The following NRXN1 variants were observed in gnomAD, a reference collection of about 807,000 sequenced individuals.
NRXN1 encodes neurexin 1, also known as neurexin-1.
NRXN1 carries 39 observed loss-of-function variants against 150.9 expected under a neutral mutation model. That is an observed-to-expected ratio of 0.26 (90% CI 0.20 to 0.34). The LOEUF (loss-of-function observed/expected upper bound fraction) is 0.34, where lower values mean the gene tolerates loss of function less well. Ranked by LOEUF, NRXN1 falls within the 10% of genes least tolerant of loss-of-function variation. The pLI is 1.00. For synonymous variants in NRXN1, 924 were observed against 757.0 expected (o/e 1.22, Z -3.62); for missense variants, 1,815 against 1,949.9 (o/e 0.93, Z 1.30).
rs200448187 is a variant in NRXN1 at position 50,623,306 on chromosome 2, G to A, written c.1134+8C>T. On this transcript the variant is annotated splice_region_variant and intron_variant, in intron 6 of 22. Transcript: ENST00000401669. ...AGCCAGTTACTCTCTTATCCACTGC[G>A]CTGTTACCTGACGCAGATTCCTGGT... 25 of 1,609,910 alleles carry A rather than the reference G, an allele frequency of 1.6e-5. No homozygotes were observed. The African/African-American group carries it at 1.6e-4, about 10-fold the overall frequency.
chr2:50,381,939 T>G (rs1481627392), intron 17 of NRXN1, among the ~76,000 whole-genome samples: 1 of 152,020 alleles, frequency 6.6e-6, no homozygotes, highest in African/African-American at 2.4e-5. Context: ...TAGTGTAGAA[T>G]CCTATGAATT....
intron 5 of NRXN1, among the ~76,000 whole-genome samples, chr2:50,666,199 T>G (rs190008163): frequency 4.6e-5 from 7 of 151,990 alleles, no homozygotes; most frequent in African/African-American, 1.7e-4. Flanking sequence ...CATAATTATT[T>G]TGAGATTCAT....
At chr2:50,892,524 T>C (rs17571241) in intron 5 of NRXN1, among the ~76,000 whole-genome samples, 17,735 of 152,150 alleles carry the variant, frequency 0.12, 1,135 homozygotes, top group Middle Eastern at 0.2. Flanking sequence ...GCAGTAATAC[T>C]CAGACTTAGA....
chr2:50,843,705 A>C (rs1673207466), intron 5 of NRXN1, among the ~76,000 whole-genome samples: 1 of 152,160 alleles, frequency 6.6e-6, no homozygotes, highest in South Asian at 2.1e-4. Context: ...TCATTGGTAT[A>C]ACAACTATTC....
chr2:50,901,697 A>C (rs1185226480), intron 5 of NRXN1, among the ~76,000 whole-genome samples: 1 of 152,212 alleles, frequency 6.6e-6, no homozygotes, highest in Non-Finnish European at 1.5e-5. Flanking sequence ...ATAGTTCGAT[A>C]TCACGTGACA....
chr2:50,961,146 C>A (rs1693119941), intron 2 of NRXN1, among the ~76,000 whole-genome samples: 1 of 151,952 alleles, frequency 6.6e-6, no homozygotes, highest in South Asian at 2.1e-4. Flanking sequence ...TTATTCCCAT[C>A]CACTATGATA....
At chr2:50,012,104 T>C (rs780576650) in intron 21 of NRXN1, among the ~76,000 whole-genome samples, 5 of 152,112 alleles carry the variant, frequency 3.3e-5, no homozygotes, top group Non-Finnish European at 5.9e-5. Flanking sequence ...CCCATCTTCA[T>C]AAGGTTGGTA....
At chr2:50,106,002 TAGTC>T (rs1701588672) in intron 18 of NRXN1, among the ~76,000 whole-genome samples, 1 of 151,942 alleles carries the variant, frequency 6.6e-6, no homozygotes, top group Non-Finnish European at 1.5e-5. Context: ...TCAACTTTCT[TAGTC>T]AATTTCAGAT....
At chr2:50,211,477 A>T (rs965452696) in intron 18 of NRXN1, among the ~76,000 whole-genome samples, 1 of 151,624 alleles carries the variant, frequency 6.6e-6, no homozygotes, top group Non-Finnish European at 1.5e-5. Flanking sequence ...AATTTGAATT[A>T]TAAACCTTGT....
At chr2:50,967,069 A>G (rs1694224378) in intron 2 of NRXN1, among the ~76,000 whole-genome samples, 1 of 151,968 alleles carries the variant, frequency 6.6e-6, no homozygotes, top group Non-Finnish European at 1.5e-5. Flanking sequence ...TTAAATAATA[A>G]AAGTTGTTTT....
chr2:50,458,770 T>C (rs1032277101), intron 17 of NRXN1, among the ~76,000 whole-genome samples: 3 of 152,040 alleles, frequency 2.0e-5, no homozygotes, highest in South Asian at 4.1e-4. Flanking sequence ...TTAGTAGAGA[T>C]GGTGTTTCAC....
intron 19 of NRXN1, among the ~76,000 whole-genome samples, chr2:50,055,759 C>A (rs1693500129): frequency 6.6e-6 from 1 of 152,074 alleles, no homozygotes; most frequent in Non-Finnish European, 1.5e-5. Flanking sequence ...CATGTTGAAG[C>A]AAATAACATT....
intron 5 of NRXN1, among the ~76,000 whole-genome samples, chr2:50,842,447 A>T (rs941070002): frequency 3.9e-5 from 6 of 152,196 alleles, no homozygotes; most frequent in African/African-American, 1.2e-4. Flanking sequence ...ATTTGACTCT[A>T]TAAGGAAACC....
At chr2:50,905,281 CT>C (rs987194044) in intron 5 of NRXN1, among the ~76,000 whole-genome samples, 2 of 152,122 alleles carry the variant, frequency 1.3e-5, no homozygotes, top group African/African-American at 4.8e-5. Context: ...CCCCAACCCT[CT>C]GACACACACT....
At chr2:50,364,174 G>A (rs144145280) in intron 17 of NRXN1, among the ~76,000 whole-genome samples, 87 of 152,136 alleles carry the variant, frequency 5.7e-4, no homozygotes, top group Middle Eastern at 3.4e-3. Flanking sequence ...AACCACCATG[G>A]CACATGTTTA....
At chr2:50,821,034 C>T (rs1669650419) in intron 5 of NRXN1, among the ~76,000 whole-genome samples, 1 of 152,106 alleles carries the variant, frequency 6.6e-6, no homozygotes, top group Admixed American at 6.5e-5. Context: ...CCCCCAACAA[C>T]ATATTTATTT....
intron 17 of NRXN1, among the ~76,000 whole-genome samples, chr2:50,384,135 C>T (rs2081156453): frequency 6.6e-6 from 1 of 152,168 alleles, no homozygotes; most frequent in South Asian, 2.1e-4. Flanking sequence ...TCCTAAGTGA[C>T]ATCAAGCTTA....
intron 15 of NRXN1, among the ~76,000 whole-genome samples, chr2:50,476,439 C>T (rs963520702): frequency 2.0e-5 from 3 of 151,910 alleles, no homozygotes; most frequent in African/African-American, 7.3e-5. Context: ...GAGTCAGATT[C>T]TTCATCTATG....
chr2:50,860,974 T>C (rs968645863), intron 5 of NRXN1, among the ~76,000 whole-genome samples: 1 of 152,094 alleles, frequency 6.6e-6, no homozygotes, highest in African/African-American at 2.4e-5. Flanking sequence ...TCTCTTGACA[T>C]GTTATAAGCA....
Sources: gnomAD v4.1 joint callset for allele counts (sites outside exome capture counted in the v4.1 genomes callset) on GRCh38, gnomAD v4.1.1 for gene constraint, MANE v1.5 for transcripts, NCBI Gene and HGNC (gene_info 2026-07-23, HGNC 2026-07-21) for gene names.